PHACTR1: variants seen among roughly 807,000 people sequenced by gnomAD.
The protein encoded by PHACTR1 is phosphatase and actin regulator 1.
Under a neutral mutation model 69.2 loss-of-function variants are expected in PHACTR1, and 16 were observed. That is an observed-to-expected ratio of 0.23 (90% CI 0.16 to 0.35). The LOEUF is 0.35. Among genes scored for constraint, PHACTR1 ranks in the 10% least tolerant of loss-of-function variants. The probability of loss-of-function intolerance (pLI) is 1.00; values close to 1 mark genes in which losing one functional copy is unlikely to be tolerated. For synonymous variants in PHACTR1, 312 were observed against 284.5 expected (o/e 1.10, Z -0.97); for missense variants, 510 against 734.7 (o/e 0.69, Z 3.54).
chr6:13,212,691 C>T (rs1030579406), intron 8 of PHACTR1, among the ~76,000 whole-genome samples: 4 of 152,136 alleles, frequency 2.6e-5, no homozygotes, highest in African/African-American at 7.2e-5. Context: ...CCTCACACAG[C>T]GGCCTTCCCA....
intron 4 of PHACTR1, among the ~76,000 whole-genome samples, chr6:12,797,319 G>A (rs1252374467): frequency 6.6e-6 from 1 of 152,176 alleles, no homozygotes; most frequent in Non-Finnish European, 1.5e-5. Flanking sequence ...TTCACGGACT[G>A]CATATTGTGC....
intron 5 of PHACTR1, among the ~76,000 whole-genome samples, chr6:13,100,342 A>C (rs551264991): frequency 6.6e-6 from 1 of 152,292 alleles, no homozygotes; most frequent in South Asian, 2.1e-4. Context: ...TGCAAAAAAG[A>C]ACTATTTCTA....
At chr6:13,157,666 T>C (rs1370173088) in intron 5 of PHACTR1, among the ~76,000 whole-genome samples, 1 of 152,238 alleles carries the variant, frequency 6.6e-6, no homozygotes, top group East Asian at 1.9e-4. Flanking sequence ...CTTTAGTCTG[T>C]GGTTTACAAC....
intron 4 of PHACTR1, among the ~76,000 whole-genome samples, chr6:12,825,006 C>A (rs1285273107): frequency 6.6e-6 from 1 of 152,076 alleles, no homozygotes; most frequent in Admixed American, 6.5e-5. Flanking sequence ...GGGCAAGGAG[C>A]AGTAGCTCAC....
At chr6:12,763,710 A>G (rs1043268654) in intron 4 of PHACTR1, among the ~76,000 whole-genome samples, 1 of 152,198 alleles carries the variant, frequency 6.6e-6, no homozygotes, top group Non-Finnish European at 1.5e-5. Flanking sequence ...ATCCTAAGTA[A>G]AAGCTGTAAA....
At chr6:13,196,346 A>G (rs1764410623) in intron 7 of PHACTR1, among the ~76,000 whole-genome samples, 1 of 152,116 alleles carries the variant, frequency 6.6e-6, no homozygotes, top group Non-Finnish European at 1.5e-5. Flanking sequence ...CAGGAAGGTT[A>G]GATGTCTTCC....
At chr6:12,828,707 A>T (rs182852968) in intron 4 of PHACTR1, among the ~76,000 whole-genome samples, 1 of 152,068 alleles carries the variant, frequency 6.6e-6, no homozygotes, top group Non-Finnish European at 1.5e-5. Context: ...TGCTTTTGTA[A>T]TAAACAAAAA....
chr6:12,888,072 CA>C (rs33925347), intron 4 of PHACTR1, among the ~76,000 whole-genome samples: 3,378 of 71,666 alleles, frequency 0.047, 43 homozygotes, highest in African/African-American at 0.12. Flanking sequence ...GACTCCATCT[CA>C]AAAAAAAAAA....
At chr6:13,222,011 G>A (rs1584031612) in intron 8 of PHACTR1, among the ~76,000 whole-genome samples, 1 of 151,918 alleles carries the variant, frequency 6.6e-6, no homozygotes, top group Non-Finnish European at 1.5e-5. Flanking sequence ...CTCCAGCCTG[G>A]GTGACAGAGT....
At chr6:13,211,610 G>C (rs929541084) in intron 8 of PHACTR1, among the ~76,000 whole-genome samples, 1 of 152,096 alleles carries the variant, frequency 6.6e-6, no homozygotes, top group Non-Finnish European at 1.5e-5. Flanking sequence ...ACTTTCAGTC[G>C]CTCATGCCAA....
chr6:12,792,467 A>AAAG (rs1772434752), intron 4 of PHACTR1, among the ~76,000 whole-genome samples: 1 of 73,076 alleles, frequency 1.4e-5, no homozygotes, highest in Non-Finnish European at 2.8e-5. Context: ...TCCATGTCAA[A>AAAG]AAAAAAAAAA....
At chr6:13,088,577 GTTTTCTTT>G in intron 5 of PHACTR1, among the ~76,000 whole-genome samples, 1 of 152,172 alleles carries the variant, frequency 6.6e-6, no homozygotes, top group South Asian at 2.1e-4. Context: ...TATTTAGCAG[GTTTTCTTT>G]TTTAGATCTG....
At chr6:12,752,194 C>T (rs1209481536) in intron 4 of PHACTR1, among the ~76,000 whole-genome samples, 1 of 152,224 alleles carries the variant, frequency 6.6e-6, no homozygotes, top group East Asian at 1.9e-4. Context: ...GATCCACTCA[C>T]AGATGTGCCT....
chr6:13,207,830 C>T (rs1052483928), intron 8 of PHACTR1, among the ~76,000 whole-genome samples: 12 of 151,724 alleles, frequency 7.9e-5, no homozygotes, highest in Non-Finnish European at 1.2e-4. Context: ...GAGGTCCCAG[C>T]GAATCACCAG....
At chr6:13,003,390 A>C (rs1426915372) in intron 4 of PHACTR1, among the ~76,000 whole-genome samples, 1 of 152,182 alleles carries the variant, frequency 6.6e-6, no homozygotes, top group Non-Finnish European at 1.5e-5. Context: ...AATACTTTTA[A>C]AAATAAATTA....
At chr6:13,073,601 C>T (rs1046839821) in intron 5 of PHACTR1, among the ~76,000 whole-genome samples, 2 of 151,954 alleles carry the variant, frequency 1.3e-5, no homozygotes, top group Admixed American at 6.6e-5. Flanking sequence ...TTCAGCCTCC[C>T]GAAGTTCTGG....
chr6:12,904,466 G>A (rs1201081072), intron 4 of PHACTR1, among the ~76,000 whole-genome samples: 16 of 151,618 alleles, frequency 1.1e-4, no homozygotes, highest in African/African-American at 3.6e-4. Flanking sequence ...CCCGGGAGGC[G>A]GAGGTTGTGG....
At position 13,135,997 on chromosome 6, in the gene PHACTR1, A is replaced by G. The variant is rs548174985; in HGVS notation, c.416-24207A>G. ...ACAACTACCTTTAGTGTTTTAATGT[A>G]TACCCTTCCAGATATTTTTGTCTGC... On this transcript the variant is annotated intron_variant, in intron 5 of 14. Coordinates refer to ENST00000332995, the MANE Select transcript of PHACTR1 (RefSeq NM_030948.6). Among the ~76,000 whole-genome samples the G allele has an allele frequency of 3.5e-4, 54 of 152,344 alleles. No homozygotes were observed. In the South Asian group the frequency reaches 0.011, roughly 30 times the overall value.
Position 13,283,309 on chromosome 6 carries a change from G to A in PHACTR1, c.1510-113G>A, listed in dbSNP as rs1161197173. The A allele has an allele frequency of 2.5e-6, 2 of 790,478 alleles. No individual in the cohort carries two copies. Among genetic ancestry groups the A allele is most frequent in the Non-Finnish European group, 3.8e-6 (2 of 526,044 alleles). 49.0% of individuals were successfully genotyped at this position (790,478 alleles called of 1,614,324 possible). On this transcript the variant is annotated intron_variant, in intron 12 of 14. Transcript: ENST00000332995. This position sits in a 1 kb window ranked among gnomAD's most constrained non-coding sequence, Gnocchi z 4.7. ...CCCTGCCCCTCACTCACTATGCGAT[G>A]CATCCATCGCCTCACTGAACCTTAT... is the stretch of plus-strand genomic sequence containing the variant.
Sources: allele counts gnomAD v4.1 joint callset (sites outside exome capture counted in the v4.1 genomes callset), GRCh38; gene constraint gnomAD v4.1.1; non-coding constraint Gnocchi (gnomAD v3.1); transcripts MANE v1.5; gene names NCBI Gene and HGNC (gene_info 2026-07-23, HGNC 2026-07-21).